Variants in UBAP1L observed in about 807,000 individuals in gnomAD.
UBAP1L encodes ubiquitin-associated protein 1-like.
A neutral mutation model predicts 32.1 loss-of-function variants in UBAP1L; 32 were observed. That is an observed-to-expected ratio of 1.00 (90% confidence interval 0.75 to 1.34). The LOEUF is 1.34. Among genes scored for constraint, UBAP1L ranks in the 40% most tolerant of loss-of-function variants. The pLI is 0.00. For synonymous variants in UBAP1L, 243 were observed against 250.2 expected, an observed-to-expected ratio of 0.97 and a Z score of 0.27; for missense variants, 516 against 540.5, an observed-to-expected ratio of 0.95 and a Z score of 0.45.
chr15:65,102,156 A>G lies in UBAP1L; in HGVS notation c.649T>C (p.Ser217Pro). ...AGCGGGGGGATGGCGCCTGCCGTGG[A>G]GGGCCGCGGGGGCGACGCGGGGGCG... ...PAAPASPPRP[S>P]TAGAIPPLRS... The change falls in exon 3 of 6, where the codon TCC (serine) becomes CCC (proline). Residue 217 changes from serine to proline, a missense_variant. Physicochemically the swap from Ser to Pro is moderately conservative, Grantham distance 74. Coordinates refer to ENST00000559089, the MANE Select transcript of UBAP1L (RefSeq NM_001163692.2). This position sits in a 1 kb window ranked among gnomAD's most constrained non-coding sequence, Gnocchi z 5.0. The G allele has an allele frequency of 3.3e-6, 4 of 1,194,844 alleles. No individual in the cohort carries two copies. The highest frequency in any genetic ancestry group is 4.2e-6 in the Non-Finnish European group (4 of 963,566). The allele number at this position is 1,194,844 out of a possible 1,614,324, so 74.0% of individuals were successfully genotyped here. A position where few individuals can be genotyped will look rare whatever the true frequency, so the allele number is the denominator to read the frequency against.
At chr15:65,108,414 A>G (rs768720482) in intron 1 of UBAP1L, among the ~76,000 whole-genome samples, 8 of 152,194 alleles carry the variant, frequency 5.3e-5, no homozygotes, top group Non-Finnish European at 1.2e-4. Flanking sequence ...GACTATATTC[A>G]TGGCCTTGTA....
At chr15:65,112,768 C>A (rs1461219820) in intron 1 of UBAP1L, among the ~76,000 whole-genome samples, 1 of 152,106 alleles carries the variant, frequency 6.6e-6, no homozygotes, top group East Asian at 1.9e-4. Context: ...CTGATTTTTC[C>A]CTTCCCCAAA....
intron 1 of UBAP1L, among the ~76,000 whole-genome samples, chr15:65,113,443 C>G (rs2087382250): frequency 6.6e-6 from 1 of 152,078 alleles, no homozygotes; most frequent in South Asian, 2.1e-4. Flanking sequence ...TGCTTCCCCA[C>G]AATTAATTAA....
At chr15:65,093,312 T>G in intron 5 of UBAP1L, 81 bp from the exon 6 acceptor site, 2 of 1,428,214 alleles carry the variant, frequency 1.4e-6, no homozygotes, top group Non-Finnish European at 1.8e-6. Flanking sequence ...CTCCAGTGCC[T>G]ACTGCACCTA....
chr15:65,110,164 T>G (rs1182181762), intron 1 of UBAP1L, among the ~76,000 whole-genome samples: 2 of 151,434 alleles, frequency 1.3e-5, no homozygotes, highest in Non-Finnish European at 2.9e-5. Flanking sequence ...ATTGAGACCA[T>G]CCTGGCCAAC....
intron 1 of UBAP1L, among the ~76,000 whole-genome samples, chr15:65,111,914 C>G (rs1308448696): frequency 6.6e-6 from 1 of 152,142 alleles, no homozygotes; most frequent in Non-Finnish European, 1.5e-5. Context: ...CCTCAGCCTC[C>G]TGAGTAGCTG....
At position 65,094,316 on chromosome 15, in the gene UBAP1L, T is replaced by C. The variant is rs542941237; in HGVS notation, c.1011+159A>G. On this transcript the variant is annotated intron_variant, in intron 5 of 5. Coordinates refer to ENST00000559089, the MANE Select transcript of UBAP1L (RefSeq NM_001163692.2). The surrounding 1 kb of genome is among the most constrained non-coding windows in gnomAD (Gnocchi z 4.2). ...GTCCCTGCTGTAGCTCCCTGGGCCA[T>C]CTCCTCCTCAGAGCTGAGGAGTCAG... Among the ~76,000 whole-genome samples the C allele has an allele frequency of 6.6e-6, 1 of 152,220 alleles. No homozygotes were observed. The highest frequency in any genetic ancestry group is 2.1e-4 in the South Asian group (1 of 4,814).
rs370295506 is a variant in UBAP1L at position 65,092,884 on chromosome 15, C to T, written c.*213G>A. ...TGCATGAAGAACATAGCTCCCCGTCCGGCTCTCCCATCTGCCCCTCTGCAG... is the reference window on the plus strand; with the variant it reads ...TGCATGAAGAACATAGCTCCCCGTCTGGCTCTCCCATCTGCCCCTCTGCAG... On this transcript the variant is annotated 3_prime_UTR_variant, in exon 6 of 6. Coordinates refer to ENST00000559089, the MANE Select transcript of UBAP1L (RefSeq NM_001163692.2). 5.9e-5 allele frequency: 37 copies of T among 628,778 alleles called. No homozygotes were observed. The Middle Eastern group carries it at 1.3e-3, about 21-fold the overall frequency. The allele number at this position is 628,778 out of a possible 1,614,324, so 38.9% of individuals were successfully genotyped here.
At position 65,099,729 on chromosome 15, in the gene UBAP1L, G is replaced by A. The variant is rs1278687147; in HGVS notation, c.700-15C>T. On this transcript the variant is annotated splice_polypyrimidine_tract_variant and intron_variant, in intron 3 of 5. Coordinates refer to ENST00000559089, the MANE Select transcript of UBAP1L (RefSeq NM_001163692.2). ...GGGCTGAGGGACTGAAATACAGACA[G>A]ACTGGACATGTCAGTTACTACAGGA... The A allele has an allele frequency of 6.5e-7, 1 of 1,537,672 alleles. No individual in the cohort carries two copies. Among genetic ancestry groups the A allele is most frequent in the Admixed American group, 2.0e-5 (1 of 50,276 alleles).
intron 4 of UBAP1L, chr15:65,096,705 T>C (rs2140558467): frequency 6.6e-6 from 1 of 152,388 alleles, no homozygotes; most frequent in East Asian, 1.9e-4. Context: ...AAACTGAGGC[T>C]AAAAGAGGGG....
chr15:65,096,815 TTTC>T (rs2087179368), intron 4 of UBAP1L: 1 of 152,308 alleles, frequency 6.6e-6, no homozygotes, highest in South Asian at 2.1e-4. Context: ...TGCTGCACAA[TTTC>T]TTTTGTATCT....
intron 2 of UBAP1L, chr15:65,105,630 G>A: frequency 1.5e-6 from 1 of 665,002 alleles, no homozygotes; most frequent in Non-Finnish European, 2.8e-6. Context: ...TCGTGAAACT[G>A]TCCAGGCCAT....
At chr15:65,105,229 C>T (rs1024068471) in intron 2 of UBAP1L, among the ~76,000 whole-genome samples, 11 of 151,992 alleles carry the variant, frequency 7.2e-5, no homozygotes, top group Non-Finnish European at 1.0e-4. Flanking sequence ...AATTGCAGCA[C>T]TTAGGGTGGC....
At position 65,110,227 on chromosome 15, in the gene UBAP1L, T is replaced by C. The variant is rs186830053; in HGVS notation, c.-173-3839A>G. ...CACAAAAATTAGCTGGGCGTGGTGGTGCGTGCCTGTAGTCCCAGCTACTCA... is the reference window on the plus strand; with the variant it reads ...CACAAAAATTAGCTGGGCGTGGTGGCGCGTGCCTGTAGTCCCAGCTACTCA... On this transcript the variant is annotated intron_variant, in intron 1 of 5. Transcript: ENST00000559089. Among the ~76,000 whole-genome samples the C allele has an allele frequency of 7.3e-3, 1,093 of 150,242 alleles. 7 individuals are homozygous for C. Among genetic ancestry groups the C allele is most frequent in the Non-Finnish European group, 0.011 (716 of 67,686 alleles).
chr15:65,104,478 A>C (rs1263208407), intron 2 of UBAP1L, among the ~76,000 whole-genome samples: 3 of 152,240 alleles, frequency 2.0e-5, no homozygotes, highest in African/African-American at 7.2e-5. Context: ...AGACAGATTA[A>C]AGGTACATAA....
Position 65,102,550 on chromosome 15 carries a change from A to G in UBAP1L, c.255T>C (p.His85=). ...PAWLLLVSPE[H]GLAPAPTTIR... ...TTGTGGTGGGCGCAGGCGCCAGCCC[A>G]TGTTCGGGGCTGACTAGCAAGAGCC... Residue 85 remains histidine, a synonymous_variant, in exon 3 of 6, where the codon CAT becomes CAC. Transcript: ENST00000559089. The surrounding 1 kb of genome is among the most constrained non-coding windows in gnomAD (Gnocchi z 5.0). 1 of 1,530,162 alleles carries G rather than the reference A, an allele frequency of 6.5e-7. No homozygotes were observed. 94.8% of individuals were successfully genotyped at this position (1,530,162 alleles called of 1,614,324 possible).
rs1041451383 is a variant in UBAP1L at position 65,106,131 on chromosome 15, C to G, written c.85G>C (p.Val29Leu). ...AGCAGAACTTCCCCGCAGGCCGGGA[C>G]GCTGAGTTCTGGCCCAGGGAGAGGC... ...TEPLPGPELS[V>L]PACGEVLLGS... Residue 29 changes from valine (V) to leucine (L), a missense_variant, in exon 2 of 6, where the codon GTC becomes CTC. Transcript: ENST00000559089. The G allele has an allele frequency of 6.4e-7, 1 of 1,550,982 alleles. No homozygotes were observed. Among genetic ancestry groups the G allele is most frequent in the South Asian group, 1.2e-5 (1 of 83,936 alleles).
Position 65,092,847 on chromosome 15 carries a change from G to A in UBAP1L, c.*250C>T, listed in dbSNP as rs1181347537. On this transcript the variant is annotated 3_prime_UTR_variant, in exon 6 of 6. Coordinates refer to ENST00000559089, the MANE Select transcript of UBAP1L (RefSeq NM_001163692.2). ...ACAGTGTAAAGAGTCAAATCAGGTGGTTTCACAGGCATGCATGAAGAACAT... is the reference window on the plus strand; with the variant it reads ...ACAGTGTAAAGAGTCAAATCAGGTGATTTCACAGGCATGCATGAAGAACAT... 1.7e-5 allele frequency: 9 copies of A among 527,492 alleles called. No individual in the cohort carries two copies. In the South Asian group the frequency reaches 2.5e-4, roughly 14 times the overall value. 32.7% of individuals were successfully genotyped at this position (527,492 alleles called of 1,614,324 possible). A position where few individuals can be genotyped will look rare whatever the true frequency, so the allele number is the denominator to read the frequency against.
intron 1 of UBAP1L, among the ~76,000 whole-genome samples, chr15:65,114,704 T>C (rs1277065714): frequency 6.6e-6 from 1 of 152,196 alleles, no homozygotes; most frequent in Non-Finnish European, 1.5e-5. Context: ...TAGAACATAA[T>C]TCAAATTCTG....
Sources: gnomAD v4.1 joint callset for allele counts (sites outside exome capture counted in the v4.1 genomes callset) on GRCh38, gnomAD v4.1.1 for gene constraint, Gnocchi (gnomAD v3.1) non-coding constraint, MANE v1.5 for transcripts, NCBI Gene and HGNC (gene_info 2026-07-23, HGNC 2026-07-21) for gene names.